The following MOV10 variants were observed in gnomAD, a reference collection of about 807,000 sequenced individuals.
MOV10 encodes the protein Mov10 RNA helicase.
A neutral mutation model predicts 108.4 loss-of-function variants in MOV10; 39 were observed. The observed-to-expected ratio is 0.36, with a 90% CI of 0.28 to 0.47. MOV10 has a LOEUF of 0.47. Ranked by LOEUF, MOV10 falls within the 20% of genes least tolerant of loss-of-function variation. MOV10 has a pLI of 1.00. For missense variants in MOV10, 952 were observed against 1,297.6 expected, an observed-to-expected ratio of 0.73 and a Z score of 4.09; for synonymous variants, 490 against 523.1, an observed-to-expected ratio of 0.94 and a Z score of 0.86.
chr1:112,687,956 G>A (rs927735163), intron 2 of MOV10, among the ~76,000 whole-genome samples: 1 of 151,902 alleles, frequency 6.6e-6, no homozygotes, highest in Non-Finnish European at 1.5e-5. Context: ...CTTACACTTC[G>A]CGCTCCCTCT....
At chr1:112,698,511 C>G in intron 16 of MOV10, 33 bp downstream of exon 16, 2 of 1,603,238 alleles carry the variant, frequency 1.2e-6, no homozygotes, top group Non-Finnish European at 1.7e-6. Context: ...AGGGTGGGGC[C>G]CCTCCCCCAG....
In MOV10 at chr1:112,689,965, G is replaced by A. The variant is rs141479017; in HGVS notation, c.703G>A (p.Ala235Thr). Residue 235 changes from alanine to threonine, a missense_variant, in exon 5 of 21, where the codon GCC becomes ACC. Physicochemically the swap from Ala to Thr is moderately conservative, Grantham distance 58 (BLOSUM62 0). Transcript: ENST00000369645. ...AGAAGGAGCCGGCACATTCTACATT[G>A]CCCGCTTCTTGGCTGCCGTCGCCCA... ...GSEGAGTFYI[A>T]RFLAAVAHSP... 189 of 1,614,110 alleles carry A rather than the reference G, an allele frequency of 1.2e-4. No individual in the cohort carries two copies. Among genetic ancestry groups the A allele is most frequent in the Non-Finnish European group, 1.6e-4 (183 of 1,180,032 alleles).
chr1:112,692,653 G>A (rs1193652208), intron 6 of MOV10, 108 bp from the exon 7 acceptor site: 6 of 1,419,456 alleles, frequency 4.2e-6, no homozygotes, highest in Non-Finnish European at 5.7e-6. Context: ...GCTTTTTGAC[G>A]CTAGTTCCAG....
rs1673699665 is a variant in MOV10 at position 112,692,782 on chromosome 1, G to A, written c.993G>A (p.Leu331=). The change falls in exon 7 of 21, where the codon CTG becomes CTA. Residue 331 remains leucine (L), a synonymous_variant. Transcript: ENST00000369645. ...AEIKAQLETA[L]KWRNYEVKLR... is the part of the protein sequence containing the mutation. ...CCAGGGCCCAGCTGGAGACAGCCCT[G>A]AAGTGGAGGAACTATGAGGTGAAGC... is the stretch of plus-strand genomic sequence containing the variant. 2 of 1,613,960 alleles carry A rather than the reference G, an allele frequency of 1.2e-6. No homozygotes were observed. The highest frequency in any genetic ancestry group is 2.2e-5 in the South Asian group (2 of 91,084).
Position 112,694,168 on chromosome 1 carries a change from A to G in MOV10, c.1291A>G (p.Met431Val). Residue 431 changes from methionine to valine, a missense_variant, in exon 8 of 21, where the codon ATG becomes GTG. Met to Val is a conservative substitution (Grantham distance 21, BLOSUM62 1). Around this residue, in one of 5 missense-constraint regions of MOV10, gnomAD observed 453 missense variants for 611.5 expected, o/e 0.74. Transcript: ENST00000369645. The surrounding 1 kb of genome is among the most constrained non-coding windows in gnomAD (Gnocchi z 4.1). ...ELDRVKLSFS[M>V]SLLSRFVDGL... ...GGACCGTGTCAAGCTGAGCTTTTCC[A>G]TGAGGTGGGTGTTGGGGGAACCCTG... is the stretch of plus-strand genomic sequence containing the variant. The G allele has an allele frequency of 2.5e-6, 4 of 1,614,020 alleles. No homozygotes were observed. Among genetic ancestry groups the G allele is most frequent in the South Asian group, 2.2e-5 (2 of 91,070 alleles).
chr1:112,695,633 G>A, intron 11 of MOV10, 59 bp downstream of exon 11: 1 of 1,555,358 alleles, frequency 6.4e-7, no homozygotes, highest in Non-Finnish European at 8.7e-7. Context: ...TCTCAGGGCA[G>A]ACACTGAGGC....
In MOV10 at chr1:112,691,760, C is replaced by T; in HGVS notation, c.932C>T (p.Thr311Ile). 6.2e-7 allele frequency: 1 copy of T among 1,614,190 alleles called. No individual in the cohort carries two copies. The highest frequency in any genetic ancestry group is 8.5e-7 in the Non-Finnish European group (1 of 1,180,044). The change falls in exon 6 of 21, where the codon ACA becomes ATA. Residue 311 changes from threonine (T) to isoleucine (I), a missense_variant. By Grantham distance (89) the Thr-to-Ile change is moderately conservative. Around this residue, in one of 5 missense-constraint regions of MOV10, gnomAD observed 374 missense variants for 468.6 expected, o/e 0.80. Transcript: ENST00000369645. The stretch of plus-strand genomic sequence containing the variant: ...CTGCTCCCCATGCTTCTTCAGGGAA[C>T]AAGTATCTTCACTGCCCCTAAGGAG... The part of the protein sequence containing the change: ...RQLLPMLLQG[T>I]SIFTAPKEIA...
chr1:112,689,394 C>CCCAG, intron 3 of MOV10, 21 bp from the exon 4 acceptor site: 1 of 1,499,142 alleles, frequency 6.7e-7, no homozygotes, highest in Non-Finnish European at 9.3e-7. Flanking sequence ...CCAACCCCCC[C>CCCAG]TTGACTCCCC....
Position 112,694,250 on chromosome 1 carries a change from T to C in MOV10, c.1295+78T>C. On this transcript the variant is annotated intron_variant, in intron 8 of 20. Transcript: ENST00000369645. The surrounding 1 kb of genome is among the most constrained non-coding windows in gnomAD (Gnocchi z 4.1). Reference sequence around the variant, plus strand: ...CCAGGGGAGGAGGAGTGTTTCTCCCTGAGATAAATGAGACCCCGGGGCAGA... The same window carrying C: ...CCAGGGGAGGAGGAGTGTTTCTCCCCGAGATAAATGAGACCCCGGGGCAGA... The C allele has an allele frequency of 1.3e-6, 2 of 1,544,744 alleles. No individual in the cohort carries two copies. Among genetic ancestry groups the C allele is most frequent in the Non-Finnish European group, 1.8e-6 (2 of 1,121,266 alleles).
intron 2 of MOV10, among the ~76,000 whole-genome samples, chr1:112,682,793 T>C (rs1216752572): frequency 6.6e-6 from 1 of 152,272 alleles, no homozygotes; most frequent in Admixed American, 6.5e-5. Context: ...AATGTATCAG[T>C]AGTTTCTTTT....
intron 2 of MOV10, among the ~76,000 whole-genome samples, chr1:112,681,618 A>G (rs1369747517): frequency 6.6e-6 from 1 of 152,130 alleles, no homozygotes; most frequent in East Asian, 1.9e-4. Flanking sequence ...TCATACTATA[A>G]TAAATTTTAA....
In MOV10 at chr1:112,694,396, C is replaced by T. The variant is rs1480490779; in HGVS notation, c.1296-57C>T. The T allele has an allele frequency of 2.5e-5, 40 of 1,604,810 alleles. No individual in the cohort carries two copies. The highest frequency in any genetic ancestry group is 3.2e-5 in the Non-Finnish European group (38 of 1,173,706). On this transcript the variant is annotated intron_variant, in intron 8 of 20. Transcript: ENST00000369645. This position sits in a 1 kb window ranked among gnomAD's most constrained non-coding sequence, Gnocchi z 4.1. ...CTGGTTGGTGGAGAAAGTTCTGGCC[C>T]TTTATTGCCCACCTCCCCTGCCCCA...
intron 4 of MOV10, 27 bp downstream of exon 4, chr1:112,689,677 T>C (rs1412765885): frequency 1.9e-6 from 3 of 1,608,090 alleles, no homozygotes; most frequent in Non-Finnish European, 2.6e-6. Context: ...AGGAAAGAGC[T>C]GGTGGACAGG....
intron 2 of MOV10, 131 bp from the exon 3 acceptor site, chr1:112,688,804 C>A: frequency 6.6e-7 from 1 of 1,512,592 alleles, no homozygotes. Context: ...TGTCTCTGGG[C>A]CCCATCCTGC....
At chr1:112,684,262 ATTTT>A (rs71084487) in intron 2 of MOV10, among the ~76,000 whole-genome samples, 4 of 93,824 alleles carry the variant, frequency 4.3e-5, no homozygotes, top group Non-Finnish European at 8.3e-5. Context: ...AGTCCCTGGG[ATTTT>A]TTTTTTTTTT....
At chr1:112,683,338 T>C (rs1672815126) in intron 2 of MOV10, among the ~76,000 whole-genome samples, 1 of 152,246 alleles carries the variant, frequency 6.6e-6, no homozygotes, top group Admixed American at 6.5e-5. Flanking sequence ...AAGGAACTAT[T>C]AGACCTTTTC....
intron 17 of MOV10, chr1:112,699,065 C>T (rs1674377807): frequency 2.3e-6 from 1 of 429,010 alleles, no homozygotes; most frequent in Non-Finnish European, 4.2e-6. Flanking sequence ...GTCCAAATTC[C>T]GTGGCCTGTC....
intron 5 of MOV10, 99 bp from the exon 6 acceptor site, chr1:112,691,566 T>C: frequency 2.0e-6 from 3 of 1,466,282 alleles, no homozygotes; most frequent in South Asian, 1.3e-5. Context: ...CCTTCAGCAG[T>C]AGGATTGCAG....
chr1:112,683,484 C>T (rs1451502859), intron 2 of MOV10, among the ~76,000 whole-genome samples: 2 of 152,120 alleles, frequency 1.3e-5, no homozygotes, highest in Non-Finnish European at 2.9e-5. Flanking sequence ...TGGCAGACTG[C>T]AGCCTCAAGG....
Sources: gnomAD v4.1 joint callset for allele counts (sites outside exome capture counted in the v4.1 genomes callset) on GRCh38, gnomAD v4.1.1 for gene constraint, gnomAD v4.1.1 regional missense constraint, Gnocchi (gnomAD v3.1) non-coding constraint, MANE v1.5 for transcripts, NCBI Gene and HGNC (gene_info 2026-07-23, HGNC 2026-07-21) for gene names.